The following GTPBP10 variants were observed in gnomAD, a reference collection of about 807,000 sequenced individuals.
GTPBP10 encodes GTP-binding protein 10.
A neutral mutation model predicts 44.8 loss-of-function variants in GTPBP10; 38 were observed. The ratio of observed to expected loss-of-function variants is 0.85; its 90% CI spans 0.65 to 1.11. The LOEUF (loss-of-function observed/expected upper bound fraction) is 1.11. GTPBP10 is among the 50% of genes most tolerant of loss of function. The pLI is 0.00. For missense variants in GTPBP10, 462 were observed against 453.7 expected (o/e 1.02, Z -0.17); for synonymous variants, 152 against 150.6 (o/e 1.01, Z -0.07).
At chr7:90,351,249 A>AGT (rs768415028) in intron 1 of GTPBP10, among the ~76,000 whole-genome samples, 3 of 151,966 alleles carry the variant, frequency 2.0e-5, no homozygotes, top group Non-Finnish European at 4.4e-5. Context: ...AAGATCTGTA[A>AGT]GTGTGTGTGT....
At chr7:90,366,349 A>G (rs966200017) in intron 4 of GTPBP10, among the ~76,000 whole-genome samples, 2 of 152,138 alleles carry the variant, frequency 1.3e-5, no homozygotes, top group Admixed American at 1.3e-4. Context: ...TTCAGAAGGA[A>G]TGGTACCAGC....
At chr7:90,369,302 A>G (rs1315055403) in intron 4 of GTPBP10, among the ~76,000 whole-genome samples, 1 of 152,138 alleles carries the variant, frequency 6.6e-6, no homozygotes, top group African/African-American at 2.4e-5. Flanking sequence ...CTTGAACACC[A>G]TGCTGGGAGA....
At chr7:90,383,355 A>G (rs920446112) in intron 9 of GTPBP10, among the ~76,000 whole-genome samples, 1 of 152,232 alleles carries the variant, frequency 6.6e-6, no homozygotes, top group African/African-American at 2.4e-5. Context: ...CCCATAAGGC[A>G]TATGTGGGAT....
chr7:90,352,927 G>A lies in GTPBP10; in HGVS notation c.145G>A (p.Ala49Thr). ...AAAAGGTGGTGATGTCTGGGTTGTA[G>A]CCCAGAACAGAATGACTTTAAAACA... ...GGKGGDVWVV[A>T]QNRMTLKQLK... Residue 49 changes from alanine to threonine, a missense_variant, in exon 2 of 10, where the codon GCC becomes ACC. Physicochemically the swap from Ala to Thr is moderately conservative, Grantham distance 58. Coordinates refer to ENST00000222511, the MANE Select transcript of GTPBP10 (RefSeq NM_033107.4). 1 of 1,613,530 alleles carries A rather than the reference G, an allele frequency of 6.2e-7. No individual in the cohort carries two copies. Among genetic ancestry groups the A allele is most frequent in the Non-Finnish European group, 8.5e-7 (1 of 1,179,574 alleles).
chr7:90,354,423 CACAT>C (rs751614362), intron 2 of GTPBP10, 31 bp from the exon 3 acceptor site: 50 of 1,081,880 alleles, frequency 4.6e-5, no homozygotes, highest in Middle Eastern at 2.3e-4. Context: ...TATACACACA[CACAT>C]ACATACATAT....
intron 4 of GTPBP10, among the ~76,000 whole-genome samples, chr7:90,357,680 G>A (rs1256259325): frequency 6.6e-6 from 1 of 152,096 alleles, no homozygotes; most frequent in East Asian, 1.9e-4. Flanking sequence ...TCAGTATGTT[G>A]CCTGATACGA....
intron 5 of GTPBP10, among the ~76,000 whole-genome samples, chr7:90,372,621 T>C (rs1405973246): frequency 6.6e-6 from 1 of 151,896 alleles, no homozygotes; most frequent in Non-Finnish European, 1.5e-5. Context: ...CAGCCATATT[T>C]TCCATTAATC....
intron 9 of GTPBP10, among the ~76,000 whole-genome samples, chr7:90,384,594 A>ACCCCCCC (rs555620480): frequency 6.7e-6 from 1 of 149,142 alleles, no homozygotes. Context: ...GCCTTATTTA[A>ACCCCCCC]CCCCCCCCAC....
At chr7:90,352,770 T>TGATA in intron 1 of GTPBP10, 46 bp from the exon 2 acceptor site, 2 of 1,437,340 alleles carry the variant, frequency 1.4e-6, no homozygotes, top group South Asian at 2.8e-5. Context: ...GGTTCTAAGG[T>TGATA]GATACACTTT....
chr7:90,383,177 A>C, intron 9 of GTPBP10, 98 bp downstream of exon 9: 1 of 844,748 alleles, frequency 1.2e-6, no homozygotes, highest in Non-Finnish European at 1.7e-6. Flanking sequence ...TTCTGCTCTT[A>C]AAAGTCAAGT....
rs184103854 is a variant in GTPBP10 at position 90,367,073 on chromosome 7, C to T, written c.465-5082C>T. On this transcript the variant is annotated intron_variant, in intron 4 of 9. Coordinates refer to ENST00000222511, the MANE Select transcript of GTPBP10 (RefSeq NM_033107.4). Reference sequence around the variant, plus strand: ...AGTAGTCATTCAGGAGCAGGTTTTTCAGTTTCCATGTAGTTGTGTGGTTTT... The same window carrying T: ...AGTAGTCATTCAGGAGCAGGTTTTTTAGTTTCCATGTAGTTGTGTGGTTTT... Among the ~76,000 whole-genome samples, 1,404 of 152,266 alleles carry T rather than the reference C, an allele frequency of 9.2e-3. 7 individuals are homozygous for T. The highest frequency in any genetic ancestry group is 0.033 in the South Asian group (159 of 4,828).
intron 8 of GTPBP10, 72 bp downstream of exon 8, chr7:90,378,283 T>A: frequency 6.7e-7 from 1 of 1,498,482 alleles, no homozygotes; most frequent in Non-Finnish European, 9.1e-7. Flanking sequence ...TGAAATAACA[T>A]AATTACAGTC....
rs773078203 is a variant in GTPBP10, at chr7:90,355,165, A to C, written c.399A>C (p.Pro133=). ...GTAAATTACTTACAAATTTCTTACCATTGAAAGGCCAGAAACGAATAATTC... is the reference window on the plus strand; with the variant it reads ...GTAAATTACTTACAAATTTCTTACCCTTGAAAGGCCAGAAACGAATAATTC... ...LGGKLLTNFL[P]LKGQKRIIHL... Residue 133 remains proline, a synonymous_variant, in exon 4 of 10, where the codon CCA becomes CCC. Transcript: ENST00000222511. 6.2e-7 allele frequency: 1 copy of C among 1,608,006 alleles called. No individual in the cohort carries two copies. The highest frequency in any genetic ancestry group is 1.1e-5 in the South Asian group (1 of 90,622).
At chr7:90,376,008 C>T (rs12537992) in intron 6 of GTPBP10, among the ~76,000 whole-genome samples, 16,051 of 150,378 alleles carry the variant, frequency 0.11, 1,057 homozygotes, top group Non-Finnish European at 0.15. Context: ...AGGCAGATCA[C>T]GAGGTTAGGA....
chr7:90,350,232 C>T (rs887174049), intron 1 of GTPBP10, among the ~76,000 whole-genome samples: 4 of 152,182 alleles, frequency 2.6e-5, no homozygotes, highest in Non-Finnish European at 5.9e-5. Context: ...ATCCATGTCA[C>T]TCATCCTTTT....
rs1229990122 is a variant in GTPBP10 at position 90,387,872 on chromosome 7, C to G, written c.*2718C>G. 3 of 152,124 alleles carry G rather than the reference C, an allele frequency of 2.0e-5. No homozygotes were observed. Among genetic ancestry groups the G allele is most frequent in the Non-Finnish European group, 4.4e-5 (3 of 68,016 alleles). The allele number at this position is 152,124 out of a possible 1,614,324, so 9.4% of individuals were successfully genotyped here. Reference sequence around the variant, plus strand: ...TGGGTATGTTTTACATTTGTAACTTCAGTGCTATTTTTTTTTAAGCTCCAT... The same window carrying G: ...TGGGTATGTTTTACATTTGTAACTTGAGTGCTATTTTTTTTTAAGCTCCAT... On this transcript the variant is annotated 3_prime_UTR_variant, in exon 10 of 10. Transcript: ENST00000222511.
intron 2 of GTPBP10, among the ~76,000 whole-genome samples, chr7:90,354,037 G>C (rs68163045): frequency 0.065 from 9,935 of 151,882 alleles, 357 homozygotes; most frequent in South Asian, 0.15. Flanking sequence ...TCGTGCTATG[G>C]TGTTCAGGCT....
In GTPBP10 at chr7:90,385,079, G is replaced by A. The variant is rs1796500001; in HGVS notation, c.1089G>A (p.Trp363Ter). Reference protein sequence around the residue: ...ALHKKQLLNLWISDTMSSTEP... With the variant: ...ALHKKQLLNL ...ATAAGAAACAGTTGCTTAATTTGTG[G>A]ATTTCTGATACAATGTCTTCTACTG... Residue 363 changes from tryptophan to a stop codon, truncating the protein, a stop_gained, in exon 10 of 10, where the codon TGG becomes TGA. Transcript: ENST00000222511. LOFTEE classifies it high-confidence loss of function. 1 of 1,613,362 alleles carries A rather than the reference G, an allele frequency of 6.2e-7. No individual in the cohort carries two copies. Among genetic ancestry groups the A allele is most frequent in the East Asian group, 2.2e-5 (1 of 44,848 alleles).
chr7:90,348,533 G>C (rs1033122037), intron 1 of GTPBP10, among the ~76,000 whole-genome samples: 2 of 150,350 alleles, frequency 1.3e-5, no homozygotes, highest in Non-Finnish European at 3.0e-5. Flanking sequence ...AAATGGAAGT[G>C]AATTGTAAAG....
Sources: gnomAD v4.1 joint callset for allele counts (sites outside exome capture counted in the v4.1 genomes callset) on GRCh38, gnomAD v4.1.1 for gene constraint, MANE v1.5 for transcripts, NCBI Gene and HGNC (gene_info 2026-07-23, HGNC 2026-07-21) for gene names.